The following KCMF1 variants were observed in gnomAD, a reference collection of about 807,000 sequenced individuals.
The protein encoded by KCMF1 is potassium channel modulatory factor 1.
In KCMF1, 3 loss-of-function variants were observed where a neutral mutation model predicts 41.1. The ratio of observed to expected loss-of-function variants is 0.07; its 90% CI spans 0.03 to 0.19. KCMF1 has a LOEUF of 0.19. Ranked by LOEUF, KCMF1 falls within the 10% of genes least tolerant of loss-of-function variation. The probability of loss-of-function intolerance (pLI) is 1.00; values close to 1 mark genes in which losing one functional copy is unlikely to be tolerated. For missense variants in KCMF1, 286 were observed against 488.9 expected (o/e 0.58, Z 3.91); for synonymous variants, 142 against 164.5 (o/e 0.86, Z 1.04).
intron 1 of KCMF1, among the ~76,000 whole-genome samples, chr2:85,004,864 T>G (rs1558571848): frequency 6.6e-6 from 1 of 152,134 alleles, no homozygotes. Context: ...AGATGGAGTT[T>G]CACTCTTGTC....
intron 1 of KCMF1, among the ~76,000 whole-genome samples, chr2:85,025,535 C>T (rs1370508730): frequency 6.6e-6 from 1 of 152,174 alleles, no homozygotes; most frequent in Non-Finnish European, 1.5e-5. Flanking sequence ...TCTCCCTTTC[C>T]TCAAGCTTCT....
intron 2 of KCMF1, among the ~76,000 whole-genome samples, chr2:85,029,688 T>C (rs1675216858): frequency 6.7e-6 from 1 of 149,348 alleles, no homozygotes; most frequent in African/African-American, 2.5e-5. Flanking sequence ...TTTTTTTTTT[T>C]TTTTTTTTTG....
intron 1 of KCMF1, among the ~76,000 whole-genome samples, chr2:85,000,381 C>T (rs1391781048): frequency 6.6e-6 from 1 of 152,182 alleles, no homozygotes; most frequent in African/African-American, 2.4e-5. Context: ...TCTCAACCTC[C>T]CAAAGTGCTG....
In KCMF1 at chr2:85,027,366, C is replaced by CTTT. The variant is rs934531367; in HGVS notation, c.17-497_17-495dup. ...TTACCTTCTTGCTGGCTTATCAAGG[C>CTTT]TTTTTTTTTTTTTTTTTTTTTTTTT... On this transcript the variant is annotated intron_variant, in intron 1 of 6. Transcript: ENST00000409785. 6.2e-4 allele frequency among the ~76,000 whole-genome samples: 41 copies of CTTT among 65,738 alleles called. 1 individual carries two copies. Among genetic ancestry groups the CTTT allele is most frequent in the East Asian group, 9.1e-4 (2 of 2,186 alleles). 43.1% of individuals were successfully genotyped at this position (65,738 alleles called of 152,430 possible). A position where few individuals can be genotyped will look rare whatever the true frequency, so the allele number is the denominator to read the frequency against.
intron 1 of KCMF1, among the ~76,000 whole-genome samples, chr2:84,999,244 G>T (rs1472989395): frequency 6.6e-6 from 1 of 151,946 alleles, no homozygotes; most frequent in Admixed American, 6.6e-5. Flanking sequence ...TCAGCCTCCC[G>T]GGTTGAAGCA....
chr2:85,027,857 CT>C, intron 1 of KCMF1, 31 bp from the exon 2 acceptor site: 1 of 1,465,588 alleles, frequency 6.8e-7, no homozygotes, highest in Non-Finnish European at 9.3e-7. Flanking sequence ...GCCTTTACAA[CT>C]GGTAACTAAA....
At position 84,971,215 on chromosome 2, in the gene KCMF1, C is replaced by T. The variant is rs1387731174; in HGVS notation, c.-237C>T. The T allele has an allele frequency of 6.8e-6, 1 of 146,598 alleles. No homozygotes were observed. Among genetic ancestry groups the T allele is most frequent in the Non-Finnish European group, 1.5e-5 (1 of 65,824 alleles). The allele number at this position is 146,598 out of a possible 1,614,324, so 9.1% of individuals were successfully genotyped here. A position where few individuals can be genotyped will look rare whatever the true frequency, so the allele number is the denominator to read the frequency against. On this transcript the variant is annotated 5_prime_UTR_variant, in exon 1 of 7. Coordinates refer to ENST00000409785, the MANE Select transcript of KCMF1 (RefSeq NM_020122.5). ...GCGCCGGCGGAGCTGCGGCGTCGGA[C>T]CCGCCTCCTGGAGGAGCTCAGCCCC...
intron 5 of KCMF1, among the ~76,000 whole-genome samples, chr2:85,048,606 TTTCAC>T (rs1235066893): frequency 6.6e-6 from 1 of 152,234 alleles, no homozygotes; most frequent in Non-Finnish European, 1.5e-5. Context: ...GAAGAAGGCA[TTTCAC>T]TGTACCTTAC....
chr2:85,056,172 T>C lies in KCMF1; in HGVS notation c.*2763T>C, dbSNP rs1044183401. On this transcript the variant is annotated 3_prime_UTR_variant, in exon 7 of 7. Transcript: ENST00000409785. ...GTTTGCTACTAACAAAGTAGTGGAT[T>C]CTTATAATTAGGCTCAGGTAAAGTA... The C allele has an allele frequency of 6.6e-6, 1 of 151,872 alleles. No individual in the cohort carries two copies. The highest frequency in any genetic ancestry group is 1.5e-5 in the Non-Finnish European group (1 of 67,986). The allele number at this position is 151,872 out of a possible 1,614,324, so 9.4% of individuals were successfully genotyped here.
intron 2 of KCMF1, among the ~76,000 whole-genome samples, chr2:85,030,069 T>G (rs1675228657): frequency 3.9e-5 from 6 of 152,130 alleles, no homozygotes; most frequent in Admixed American, 3.9e-4. Context: ...TCTCAGGTGG[T>G]TTTGATTTAT....
chr2:85,058,479 G>A lies in KCMF1; in HGVS notation c.*5070G>A, dbSNP rs1048439940. 6.6e-6 allele frequency: 1 copy of A among 152,188 alleles called. No homozygotes were observed. Among genetic ancestry groups the A allele is most frequent in the Non-Finnish European group, 1.5e-5 (1 of 68,062 alleles). The allele number at this position is 152,188 out of a possible 1,614,324, so 9.4% of individuals were successfully genotyped here. On this transcript the variant is annotated 3_prime_UTR_variant, in exon 7 of 7. Coordinates refer to ENST00000409785, the MANE Select transcript of KCMF1 (RefSeq NM_020122.5). ...GATAATGATGTTTCTCTTCAAGGAG[G>A]CCTTTACTAACCACAGGGAACCTAG...
chr2:85,042,340 A>G (rs1440068373), intron 3 of KCMF1, among the ~76,000 whole-genome samples: 1 of 152,160 alleles, frequency 6.6e-6, no homozygotes, highest in Non-Finnish European at 1.5e-5. Flanking sequence ...TTTGGGCTTC[A>G]GGAATCAGAG....
intron 6 of KCMF1, among the ~76,000 whole-genome samples, chr2:85,051,711 C>T (rs747212225): frequency 1.3e-5 from 2 of 152,106 alleles, no homozygotes; most frequent in Non-Finnish European, 2.9e-5. Context: ...TTCATATATT[C>T]AAAGGAATAT....
Position 85,012,350 on chromosome 2 carries a change from C to T in KCMF1, c.17-15539C>T, listed in dbSNP as rs1361494849. On this transcript the variant is annotated intron_variant, in intron 1 of 6. Transcript: ENST00000409785. ...TGTTGCATTTCAGTCATTCTTGATGCATTGTTAATGAATATTAAAGCCAGT... is the reference window on the plus strand; with the variant it reads ...TGTTGCATTTCAGTCATTCTTGATGTATTGTTAATGAATATTAAAGCCAGT... Among the ~76,000 whole-genome samples the T allele has an allele frequency of 2.6e-5, 4 of 152,122 alleles. No individual in the cohort carries two copies. The South Asian group carries it at 8.3e-4, about 32-fold the overall frequency.
At chr2:84,974,571 C>T (rs768941056) in intron 1 of KCMF1, among the ~76,000 whole-genome samples, 12 of 143,952 alleles carry the variant, frequency 8.3e-5, no homozygotes, top group South Asian at 2.2e-4. Flanking sequence ...TGTAATAGTA[C>T]GAAAGCAGCT....
chr2:85,028,604 C>T (rs1675177741), intron 2 of KCMF1, among the ~76,000 whole-genome samples: 1 of 149,816 alleles, frequency 6.7e-6, no homozygotes, highest in African/African-American at 2.5e-5. Flanking sequence ...ATTCTCCTGC[C>T]TCAGCCTCCC....
At chr2:85,033,241 T>C (rs1022936788) in intron 2 of KCMF1, among the ~76,000 whole-genome samples, 1 of 152,386 alleles carries the variant, frequency 6.6e-6, no homozygotes, top group East Asian at 1.9e-4. Context: ...AACACTTTCT[T>C]CCATTTTCTT....
At chr2:85,009,785 CT>C (rs1285417314) in intron 1 of KCMF1, among the ~76,000 whole-genome samples, 2 of 152,172 alleles carry the variant, frequency 1.3e-5, no homozygotes, top group Admixed American at 6.5e-5. Flanking sequence ...CAGAGACCCT[CT>C]TTAATGAATA....
intron 1 of KCMF1, among the ~76,000 whole-genome samples, chr2:84,978,776 C>T (rs1170168984): frequency 2.0e-5 from 3 of 152,010 alleles, no homozygotes; most frequent in South Asian, 4.2e-4. Flanking sequence ...AGTGCAATGG[C>T]GCGATCTCAG....
Sources: gnomAD v4.1 joint callset for allele counts (sites outside exome capture counted in the v4.1 genomes callset) on GRCh38, gnomAD v4.1.1 for gene constraint, MANE v1.5 for transcripts, NCBI Gene and HGNC (gene_info 2026-07-23, HGNC 2026-07-21) for gene names.